Variants in SOX5 observed in about 807,000 individuals in gnomAD.
The protein encoded by SOX5 is SRY-box transcription factor 5.
SOX5 carries 9 observed loss-of-function variants against 92.0 expected under a neutral mutation model. The observed-to-expected ratio is 0.10, with a 90% CI of 0.06 to 0.17. The LOEUF is 0.17. Ranked by LOEUF, SOX5 falls within the 10% of genes least tolerant of loss-of-function variation. The pLI is 1.00. For missense variants in SOX5, 642 were observed against 944.5 expected, an observed-to-expected ratio of 0.68 and a Z score of 4.20; for synonymous variants, 344 against 336.3, an observed-to-expected ratio of 1.02 and a Z score of -0.25.
chr12:24,198,024 G>C (rs1023721790), intron 4 of SOX5, among the ~76,000 whole-genome samples: 15 of 152,118 alleles, frequency 9.9e-5, no homozygotes, highest in Admixed American at 3.3e-4. Context: ...TGAGAACTCT[G>C]ATAATTAACA....
At chr12:23,882,192 C>G (rs148337179) in intron 2 of SOX5, among the ~76,000 whole-genome samples, 1,539 of 152,108 alleles carry the variant, frequency 0.01, 20 homozygotes, top group African/African-American at 0.035. Context: ...CATATCATAT[C>G]CTTTTTAACA....
chr12:23,606,201 A>T (rs1234572899), intron 8 of SOX5, among the ~76,000 whole-genome samples: 2 of 151,916 alleles, frequency 1.3e-5, no homozygotes, highest in African/African-American at 2.4e-5. Context: ...ATAACCAGTT[A>T]TCCTAGGATA....
rs138990961 is a variant in SOX5 at position 24,459,447 on chromosome 12, C to A, written c.-250-90808G>T. On this transcript the variant is annotated intron_variant, in intron 1 of 4. Coordinates refer to the SOX5 transcript ENST00000446891. ...CTGGAGTTTTATTTGCAATCAATTT[C>A]TTGTGCTAAATAATGTCCCCTGCTT... Among the ~76,000 whole-genome samples the A allele has an allele frequency of 2.4e-3, 366 of 152,254 alleles. 2 individuals are homozygous for A. Among genetic ancestry groups the A allele is most frequent in the Non-Finnish European group, 4.0e-3 (270 of 68,006 alleles).
chr12:24,389,695 T>C (rs1168494381), intron 1 of SOX5, among the ~76,000 whole-genome samples: 2 of 152,214 alleles, frequency 1.3e-5, no homozygotes, highest in African/African-American at 4.8e-5. Context: ...TGTATATAAG[T>C]TTTTGTGTGA....
chr12:24,013,137 G>C (rs553484637), intron 4 of SOX5, among the ~76,000 whole-genome samples: 50 of 152,236 alleles, frequency 3.3e-4, no homozygotes, highest in African/African-American at 1.2e-3. Flanking sequence ...ATGAGTTTCT[G>C]TATGTGTCTC....
intron 7 of SOX5, among the ~76,000 whole-genome samples, chr12:23,643,766 G>A (rs1302528715): frequency 7.9e-5 from 12 of 152,122 alleles, no homozygotes; most frequent in Non-Finnish European, 1.0e-4. Flanking sequence ...CAACAATGGC[G>A]GTTTCAGTGG....
At chr12:24,090,652 A>C (rs887438137) in intron 4 of SOX5, among the ~76,000 whole-genome samples, 7 of 152,226 alleles carry the variant, frequency 4.6e-5, no homozygotes, top group Admixed American at 2.0e-4. Flanking sequence ...CTATACCAAT[A>C]GTTTCATTAT....
At chr12:24,367,832 C>A (rs987108319) in intron 2 of SOX5, 3 of 152,114 alleles carry the variant, frequency 2.0e-5, no homozygotes, top group East Asian at 3.9e-4. Context: ...AAATTAAGTT[C>A]AACTTAAATT....
intron 2 of SOX5, among the ~76,000 whole-genome samples, chr12:24,308,773 G>A (rs1188961554): frequency 2.0e-5 from 3 of 152,198 alleles, no homozygotes; most frequent in African/African-American, 7.2e-5. Context: ...ATAAGTTGAT[G>A]ATCAGGTCAA....
intron 2 of SOX5, among the ~76,000 whole-genome samples, chr12:23,862,216 C>T (rs1015712623): frequency 6.6e-6 from 1 of 152,108 alleles, no homozygotes; most frequent in East Asian, 1.9e-4. Context: ...ATTCCAACAG[C>T]TTCATGTTTA....
chr12:24,237,184 C>T (rs1402644044), intron 3 of SOX5, among the ~76,000 whole-genome samples: 1 of 152,190 alleles, frequency 6.6e-6, no homozygotes, highest in African/African-American at 2.4e-5. Context: ...CAGACCCCTA[C>T]TGGAAGTCAG....
chr12:23,569,516 G>C (rs1029469102), intron 10 of SOX5, among the ~76,000 whole-genome samples: 1 of 152,148 alleles, frequency 6.6e-6, no homozygotes, highest in Non-Finnish European at 1.5e-5. Flanking sequence ...TCATCATTCT[G>C]AGATAAGTCC....
chr12:24,383,356 C>A (rs1207067337), intron 1 of SOX5, among the ~76,000 whole-genome samples: 1 of 152,166 alleles, frequency 6.6e-6, no homozygotes, highest in African/African-American at 2.4e-5. Flanking sequence ...ACAGATAAAT[C>A]ATAAGGAACT....
At chr12:24,513,916 C>A (rs1288331903) in intron 1 of SOX5, among the ~76,000 whole-genome samples, 1 of 152,208 alleles carries the variant, frequency 6.6e-6, no homozygotes, top group African/African-American at 2.4e-5. Context: ...GTAATCCTTT[C>A]CACTGCTAGA....
intron 1 of SOX5, among the ~76,000 whole-genome samples, chr12:23,913,586 A>C (rs927067160): frequency 6.6e-6 from 1 of 152,002 alleles, no homozygotes; most frequent in African/African-American, 2.4e-5. Flanking sequence ...AAATACAAAA[A>C]TTAGCCAGGT....
At chr12:23,555,236 T>TTA (rs1490395460) in intron 11 of SOX5, among the ~76,000 whole-genome samples, 7 of 152,108 alleles carry the variant, frequency 4.6e-5, no homozygotes, top group South Asian at 2.1e-4. Context: ...GTTTTCAAAC[T>TTA]TATCTTTTCA....
At chr12:23,558,815 C>T (rs1283144662) in intron 11 of SOX5, among the ~76,000 whole-genome samples, 1 of 152,156 alleles carries the variant, frequency 6.6e-6, no homozygotes, top group African/African-American at 2.4e-5. Flanking sequence ...ATTGGTCAGG[C>T]TGGTCTCAAA....
chr12:24,234,153 G>A (rs1023243080), intron 3 of SOX5, among the ~76,000 whole-genome samples: 2 of 152,114 alleles, frequency 1.3e-5, no homozygotes, highest in African/African-American at 4.8e-5. Flanking sequence ...CAGTTGAAAG[G>A]GTCATGCCAG....
At chr12:23,890,471 A>G (rs1194325409) in intron 2 of SOX5, among the ~76,000 whole-genome samples, 3 of 152,308 alleles carry the variant, frequency 2.0e-5, no homozygotes, top group Middle Eastern at 3.4e-3. Flanking sequence ...TTCATTTCAC[A>G]TCACATTTGA....
Sources: gnomAD v4.1 joint callset for allele counts (sites outside exome capture counted in the v4.1 genomes callset) on GRCh38, gnomAD v4.1.1 for gene constraint, MANE v1.5 for transcripts, NCBI Gene and HGNC (gene_info 2026-07-23, HGNC 2026-07-21) for gene names.